Variants in REL observed in about 807,000 individuals in gnomAD.
The protein encoded by REL is REL proto-oncogene, NF-kB subunit, also known as proto-oncogene c-Rel.
In REL, 15 loss-of-function variants were observed where a neutral mutation model predicts 45.9. That is an observed-to-expected ratio of 0.33 (90% confidence interval 0.22 to 0.50). The LOEUF (loss-of-function observed/expected upper bound fraction) is 0.50. Among genes scored for constraint, REL ranks in the 20% least tolerant of loss-of-function variants. The probability of loss-of-function intolerance (pLI) is 0.98; values close to 1 mark genes in which losing one functional copy is unlikely to be tolerated. For missense variants in REL, 601 were observed against 715.2 expected (o/e 0.84, Z 1.82); for synonymous variants, 239 against 242.1 (o/e 0.99, Z 0.12).
chr2:60,921,729 T>G, intron 9 of REL, 34 bp from the exon 10 acceptor site: 2 of 1,552,512 alleles, frequency 1.3e-6, no homozygotes, highest in Non-Finnish European at 1.7e-6. Flanking sequence ...TTTTGTTCAT[T>G]TTAATTTCGT....
chr2:60,905,847 C>G lies in REL; in HGVS notation c.394+4764C>G, dbSNP rs561721961. On this transcript the variant is annotated intron_variant, in intron 4 of 9. Transcript: ENST00000394479. Reference sequence around the variant, plus strand: ...GTATTTCTTAACTCTTTCACCATGACCCACAGTAAGAAATAGATTTTGTTT... The same window carrying G: ...GTATTTCTTAACTCTTTCACCATGAGCCACAGTAAGAAATAGATTTTGTTT... 5.9e-5 allele frequency among the ~76,000 whole-genome samples: 9 copies of G among 152,298 alleles called. No homozygotes were observed. In the East Asian group the frequency reaches 1.3e-3, roughly 23 times the overall value.
At chr2:60,905,198 CA>C (rs1673609053) in intron 4 of REL, among the ~76,000 whole-genome samples, 1 of 152,122 alleles carries the variant, frequency 6.6e-6, no homozygotes, top group African/African-American at 2.4e-5. Context: ...GGGTTCACAC[CA>C]TTCTCCTGCC....
Position 60,928,576 on chromosome 2 carries a change from G to T in REL, c.*6041G>T, listed in dbSNP as rs1220543537. 7.3e-6 allele frequency: 1 copy of T among 137,406 alleles called. No homozygotes were observed. Among genetic ancestry groups the T allele is most frequent in the African/African-American group, 2.7e-5 (1 of 36,426 alleles). The allele number at this position is 137,406 out of a possible 1,614,324, so 8.5% of individuals were successfully genotyped here. Reference sequence around the variant, plus strand: ...CTGAGAAAAACAAGCAATGGGGAAAGGATTCCCTATTTAATAAATGGTGCT... The same window carrying T: ...CTGAGAAAAACAAGCAATGGGGAAATGATTCCCTATTTAATAAATGGTGCT... On this transcript the variant is annotated 3_prime_UTR_variant, in exon 10 of 10. Coordinates refer to ENST00000394479, the MANE Select transcript of REL (RefSeq NM_001291746.2).
At chr2:60,905,391 G>T (rs1339763973) in intron 4 of REL, among the ~76,000 whole-genome samples, 1 of 152,154 alleles carries the variant, frequency 6.6e-6, no homozygotes, top group Non-Finnish European at 1.5e-5. Flanking sequence ...ACCACACCCA[G>T]CCTGTTTGCA....
intron 1 of REL, among the ~76,000 whole-genome samples, chr2:60,882,547 C>G (rs1171046949): frequency 6.6e-6 from 1 of 151,986 alleles, no homozygotes; most frequent in South Asian, 2.1e-4. Context: ...TGGTGGCGCG[C>G]GCCTGTAATC....
chr2:60,921,679 G>T, intron 9 of REL, 84 bp from the exon 10 acceptor site: 1 of 1,169,190 alleles, frequency 8.6e-7, no homozygotes, highest in East Asian at 2.5e-5. Flanking sequence ...ATATATATTT[G>T]TGTGCTTATG....
Position 60,928,535 on chromosome 2 carries a change from CTGATCTT to C in REL, c.*6004_*6010del, listed in dbSNP as rs1158450756. The stretch of plus-strand genomic sequence containing the variant: ...AATAACGCCGCATATCTACAACTAT[CTGATCTT>C]TGACAAACCTGAGAAAAACAAGCAA... On this transcript the variant is annotated 3_prime_UTR_variant, in exon 10 of 10. Transcript: ENST00000394479. 1 of 144,106 alleles carries C rather than the reference CTGATCTT, an allele frequency of 6.9e-6. No individual in the cohort carries two copies. Among genetic ancestry groups the C allele is most frequent in the Non-Finnish European group, 1.5e-5 (1 of 65,616 alleles). 8.9% of individuals were successfully genotyped at this position (144,106 alleles called of 1,614,324 possible).
chr2:60,912,463 C>T (rs570933758), intron 4 of REL, among the ~76,000 whole-genome samples: 5 of 152,078 alleles, frequency 3.3e-5, no homozygotes, highest in South Asian at 2.1e-4. Flanking sequence ...GGTGTTGTTT[C>T]GCTTGAAGTT....
chr2:60,918,363 A>ATTT, intron 6 of REL, 31 bp from the exon 7 acceptor site: 4 of 1,310,502 alleles, frequency 3.1e-6, no homozygotes, highest in Non-Finnish European at 4.2e-6. Flanking sequence ...TTGTTTTCCC[A>ATTT]TTTTTTTTTT....
intron 8 of REL, 180 bp downstream of exon 8, chr2:60,920,289 C>A: frequency 8.0e-6 from 5 of 622,818 alleles, no homozygotes; most frequent in Non-Finnish European, 1.4e-5. Context: ...GCAACCTCTG[C>A]CCCCCAGGTT....
intron 4 of REL, among the ~76,000 whole-genome samples, chr2:60,912,181 T>C (rs1673836715): frequency 6.6e-6 from 1 of 152,104 alleles, no homozygotes; most frequent in Non-Finnish European, 1.5e-5. Flanking sequence ...GGGATAAGAA[T>C]AGATAGATTG....
chr2:60,916,102 A>G (rs1055761192), intron 4 of REL, among the ~76,000 whole-genome samples: 1 of 152,230 alleles, frequency 6.6e-6, no homozygotes, highest in Non-Finnish European at 1.5e-5. Flanking sequence ...ACTTTGGGCA[A>G]GTAATTCATC....
intron 4 of REL, among the ~76,000 whole-genome samples, chr2:60,906,984 A>G (rs1673679487): frequency 2.7e-5 from 4 of 148,302 alleles, no homozygotes; most frequent in Admixed American, 2.0e-4. Flanking sequence ...CAATGGTGCA[A>G]TCTTGGCTTA....
Position 60,894,400 on chromosome 2 carries a change from A to T in REL, c.157A>T (p.Met53Leu). The T allele has an allele frequency of 6.6e-7, 1 of 1,511,328 alleles. No homozygotes were observed. The highest frequency in any genetic ancestry group is 1.4e-5 in the African/African-American group (1 of 71,228). 93.6% of individuals were successfully genotyped at this position (1,511,328 alleles called of 1,614,324 possible). A position where few individuals can be genotyped will look rare whatever the true frequency, so the allele number is the denominator to read the frequency against. ...TTTAATTTCCCCCTTTTTTCAGATT[A>T]TGAACTATTATGGAAAAGGAAAAGT... is the stretch of plus-strand genomic sequence containing the variant. Reference protein sequence around the residue: ...NNRTYPSIQIMNYYGKGKVRI... With the variant: ...NNRTYPSIQILNYYGKGKVRI... The change falls in exon 3 of 10, where the codon ATG becomes TTG. Residue 53 changes from methionine to leucine, a missense_variant. Around this residue, in one of 4 missense-constraint regions of REL, gnomAD observed 241 missense variants for 347.0 expected, o/e 0.69. Coordinates refer to ENST00000394479, the MANE Select transcript of REL (RefSeq NM_001291746.2).
intron 3 of REL, among the ~76,000 whole-genome samples, chr2:60,898,439 T>C (rs1055162153): frequency 1.1e-4 from 16 of 152,256 alleles, no homozygotes; most frequent in Non-Finnish European, 2.4e-4. Flanking sequence ...CACTGCTCTT[T>C]TCTAGGGGTC....
rs775336358 is a variant in REL at position 60,910,859 on chromosome 2, G to T, written c.395-6018G>T. ...AGGCGTTAGAATCTCTTGAACCCTG[G>T]AGGCAGAGGCTGCAGTGAGCCAAGA... On this transcript the variant is annotated intron_variant, in intron 4 of 9. Coordinates refer to ENST00000394479, the MANE Select transcript of REL (RefSeq NM_001291746.2). Among the ~76,000 whole-genome samples the T allele has an allele frequency of 9.2e-5, 14 of 152,140 alleles. 1 individual carries two copies. The highest frequency in any genetic ancestry group is 6.5e-4 in the Admixed American group (10 of 15,272).
At chr2:60,906,804 C>T (rs1673663961) in intron 4 of REL, among the ~76,000 whole-genome samples, 1 of 150,952 alleles carries the variant, frequency 6.6e-6, no homozygotes, top group Non-Finnish European at 1.5e-5. Flanking sequence ...GACCTTCTCT[C>T]TGTTTTCCCA....
chr2:60,890,526 T>C (rs1250980172), intron 1 of REL, among the ~76,000 whole-genome samples: 1 of 152,218 alleles, frequency 6.6e-6, no homozygotes, highest in African/African-American at 2.4e-5. Flanking sequence ...CTAAAGTGAT[T>C]AAGGGACACA....
intron 2 of REL, among the ~76,000 whole-genome samples, chr2:60,892,909 C>G (rs1293871881): frequency 1.3e-5 from 2 of 152,082 alleles, no homozygotes; most frequent in Non-Finnish European, 2.9e-5. Flanking sequence ...CGCCCCCTAC[C>G]ACGCCCAGCT....
Sources: gnomAD v4.1 joint callset for allele counts (sites outside exome capture counted in the v4.1 genomes callset) on GRCh38, gnomAD v4.1.1 for gene constraint, gnomAD v4.1.1 regional missense constraint, MANE v1.5 for transcripts, NCBI Gene and HGNC (gene_info 2026-07-23, HGNC 2026-07-21) for gene names.